Variants in TNS3 observed in about 807,000 individuals in gnomAD.
TNS3 encodes tensin 3.
In TNS3, 45 loss-of-function variants were observed where a neutral mutation model predicts 140.9. The observed-to-expected ratio is 0.32, with a 90% CI of 0.25 to 0.41. The LOEUF is 0.41. TNS3 is among the 10% of genes least tolerant of loss of function. TNS3 has a pLI of 1.00. For synonymous variants in TNS3, 815 were observed against 788.4 expected, an observed-to-expected ratio of 1.03 and a Z score of -0.56; for missense variants, 1,716 against 1,906.7, an observed-to-expected ratio of 0.90 and a Z score of 1.86.
rs1793531017 is a variant in TNS3 at position 47,407,810 on chromosome 7, C to T, written c.723+3917G>A. Among the ~76,000 whole-genome samples the T allele has an allele frequency of 6.6e-6, 1 of 152,152 alleles. No individual in the cohort carries two copies. The highest frequency in any genetic ancestry group is 2.1e-4 in the South Asian group (1 of 4,828). ...GGACACAGGGAGAAGACAGCCACCTCCAGGTCAAGGAGAGAGGCCTCAGGA... is the reference window on the plus strand; with the variant it reads ...GGACACAGGGAGAAGACAGCCACCTTCAGGTCAAGGAGAGAGGCCTCAGGA... On this transcript the variant is annotated intron_variant, in intron 13 of 30. Coordinates refer to ENST00000311160, the MANE Select transcript of TNS3 (RefSeq NM_022748.12). This position sits in a 1 kb window ranked among gnomAD's most constrained non-coding sequence, Gnocchi z 4.1.
intron 2 of TNS3, among the ~76,000 whole-genome samples, chr7:47,518,544 T>C (rs1429915106): frequency 6.6e-6 from 1 of 152,202 alleles, no homozygotes; most frequent in Non-Finnish European, 1.5e-5. Context: ...AAATAATCAC[T>C]GGGGCCAGGC....
intron 4 of TNS3, among the ~76,000 whole-genome samples, chr7:47,477,200 G>C (rs1038466765): frequency 6.6e-6 from 1 of 152,154 alleles, no homozygotes; most frequent in Admixed American, 6.5e-5. Context: ...TGCCCTACCA[G>C]GGAATTAGGC....
chr7:47,279,480 A>G, intron 30 of TNS3: 1 of 152,918 alleles, frequency 6.5e-6, no homozygotes, highest in Non-Finnish European at 1.5e-5. Flanking sequence ...AGGCAGGTGG[A>G]TCACCTGAGG....
At chr7:47,413,867 T>C in intron 12 of TNS3, 70 bp downstream of exon 12, 1 of 1,583,528 alleles carries the variant, frequency 6.3e-7, no homozygotes, top group South Asian at 1.1e-5. Context: ...GACAGGCAGC[T>C]GAGGGTCAGC....
At chr7:47,350,727 C>A (rs958305396) in intron 17 of TNS3, among the ~76,000 whole-genome samples, 2 of 152,196 alleles carry the variant, frequency 1.3e-5, no homozygotes, top group African/African-American at 2.4e-5. Context: ...AAGAACAACA[C>A]AAAGCTGGCT....
chr7:47,566,131 C>A (rs2152006755), intron 1 of TNS3, among the ~76,000 whole-genome samples: 1 of 152,352 alleles, frequency 6.6e-6, no homozygotes, highest in Middle Eastern at 3.4e-3. Flanking sequence ...GAACCCAGAA[C>A]TGGCATTCCT....
At chr7:47,509,655 C>T (rs1798538313) in intron 2 of TNS3, among the ~76,000 whole-genome samples, 1 of 152,116 alleles carries the variant, frequency 6.6e-6, no homozygotes, top group South Asian at 2.1e-4. Context: ...TCAAACAGTG[C>T]CCAGGCCCAG....
intron 20 of TNS3, among the ~76,000 whole-genome samples, chr7:47,320,274 C>T (rs112844339): frequency 3.3e-5 from 5 of 152,248 alleles, no homozygotes; most frequent in African/African-American, 7.2e-5. Context: ...GGGAAACACA[C>T]GCACCACCCA....
At chr7:47,448,281 A>G (rs1163169382) in intron 4 of TNS3, among the ~76,000 whole-genome samples, 1 of 152,212 alleles carries the variant, frequency 6.6e-6, no homozygotes, top group Non-Finnish European at 1.5e-5. Flanking sequence ...CACAGGCCCC[A>G]TTCCCTCTGC....
At chr7:47,453,004 C>T (rs758129660) in intron 4 of TNS3, 14 of 985,416 alleles carry the variant, frequency 1.4e-5, no homozygotes, top group African/African-American at 3.5e-5. Context: ...TCCTACGTTT[C>T]GCTCCTTCCC....
At chr7:47,450,820 T>G (rs1795980263) in intron 4 of TNS3, among the ~76,000 whole-genome samples, 1 of 152,188 alleles carries the variant, frequency 6.6e-6, no homozygotes, top group Non-Finnish European at 1.5e-5. Context: ...TTGTCCTCAC[T>G]GGCTTTTGGT....
At chr7:47,441,005 TTTGA>T (rs1301226311) in intron 5 of TNS3, among the ~76,000 whole-genome samples, 1 of 152,202 alleles carries the variant, frequency 6.6e-6, no homozygotes, top group Non-Finnish European at 1.5e-5. Flanking sequence ...CCTCCACCAC[TTTGA>T]TTGCTTTAAA....
intron 1 of TNS3, among the ~76,000 whole-genome samples, chr7:47,574,318 T>C (rs1032320765): frequency 6.6e-6 from 1 of 152,010 alleles, no homozygotes. Flanking sequence ...TCTGTCAAAA[T>C]AGCTTGGTAA....
At position 47,433,567 on chromosome 7, in the gene TNS3, T is replaced by G. The variant is rs187084517; in HGVS notation, c.324+1715A>C. The stretch of plus-strand genomic sequence containing the variant: ...ATTTCTTTCAATTTCATTTAAAAAA[T>G]TGAAGTGAACAACAACTAAAATGGA... On this transcript the variant is annotated intron_variant, in intron 8 of 30. Coordinates refer to ENST00000311160, the MANE Select transcript of TNS3 (RefSeq NM_022748.12). 2.8e-3 allele frequency among the ~76,000 whole-genome samples: 434 copies of G among 152,296 alleles called. 10 individuals are homozygous for G. The highest frequency in any genetic ancestry group is 0.026 in the Admixed American group (395 of 15,298).
intron 15 of TNS3, among the ~76,000 whole-genome samples, chr7:47,397,634 G>A (rs900614910): frequency 2.6e-5 from 4 of 152,176 alleles, no homozygotes; most frequent in African/African-American, 7.2e-5. Context: ...TCCTTGAAAT[G>A]AATGATAATA....
rs115061506 is a variant in TNS3 at position 47,536,684 on chromosome 7, C to A, written c.-264-7537G>T. ...CTTCCACGCTTACCAGAAGACGCCC[C>A]CACTAGGCAAAGCTCCACTGGCCCT... On this transcript the variant is annotated intron_variant, in intron 1 of 30. Transcript: ENST00000311160. Among the ~76,000 whole-genome samples the A allele has an allele frequency of 4.8e-3, 738 of 152,324 alleles. 6 individuals are homozygous for A. Among genetic ancestry groups the A allele is most frequent in the African/African-American group, 0.016 (679 of 41,572 alleles).
At chr7:47,551,500 G>A (rs1167426100) in intron 1 of TNS3, among the ~76,000 whole-genome samples, 1 of 152,236 alleles carries the variant, frequency 6.6e-6, no homozygotes, top group Non-Finnish European at 1.5e-5. Flanking sequence ...ATAGCCACCA[G>A]GAGCAGGGGA....
intron 5 of TNS3, among the ~76,000 whole-genome samples, chr7:47,441,606 CA>C (rs1328097409): frequency 1.3e-5 from 2 of 152,158 alleles, no homozygotes; most frequent in African/African-American, 4.8e-5. Context: ...ACTGTTAGAA[CA>C]GAAATAAAGC....
chr7:47,524,670 C>T (rs925069751), intron 2 of TNS3, among the ~76,000 whole-genome samples: 4 of 149,592 alleles, frequency 2.7e-5, no homozygotes, highest in East Asian at 2.0e-4. Flanking sequence ...GGCGCGGTGG[C>T]GGGCGCCTGT....
Sources: allele counts gnomAD v4.1 joint callset (sites outside exome capture counted in the v4.1 genomes callset), GRCh38; gene constraint gnomAD v4.1.1; non-coding constraint Gnocchi (gnomAD v3.1); transcripts MANE v1.5; gene names NCBI Gene and HGNC (gene_info 2026-07-23, HGNC 2026-07-21).